PPP6R2: variants seen among roughly 807,000 people sequenced by gnomAD.
PPP6R2 encodes the protein protein phosphatase 6 regulatory subunit 2.
In PPP6R2, 62 loss-of-function variants were observed where a neutral mutation model predicts 100.2. That is an observed-to-expected ratio of 0.62 (90% CI 0.50 to 0.76). The LOEUF (loss-of-function observed/expected upper bound fraction) is 0.76. Among genes scored for constraint, PPP6R2 ranks in the 30% least tolerant of loss-of-function variants. The pLI is 0.00. For missense variants in PPP6R2, 1,142 were observed against 1,276.3 expected, an observed-to-expected ratio of 0.89 and a Z score of 1.60; for synonymous variants, 525 against 514.7, an observed-to-expected ratio of 1.02 and a Z score of -0.27.
At chr22:50,399,982 G>T (rs2057755755) in intron 3 of PPP6R2, among the ~76,000 whole-genome samples, 1 of 152,256 alleles carries the variant, frequency 6.6e-6, no homozygotes, top group African/African-American at 2.4e-5. Context: ...TAAGACAGAA[G>T]AGTCAGTAAG....
the PPP6R2 span, among the ~76,000 whole-genome samples, chr22:50,337,957 GGTGT>G: frequency 3.6e-5 from 5 of 137,682 alleles, no homozygotes; most frequent in East Asian, 2.2e-4. Flanking sequence ...TGATGTGTGT[GGTGT>G]GTGTGGGTGT....
intron 10 of PPP6R2, among the ~76,000 whole-genome samples, chr22:50,430,967 CAG>C (rs2063034009): frequency 6.6e-6 from 1 of 151,798 alleles, no homozygotes; most frequent in Admixed American, 6.6e-5. Context: ...AGGCAGGAGG[CAG>C]AAGTGCTCAG....
chr22:50,438,791 G>A (rs1262189837), intron 19 of PPP6R2, 29 bp downstream of exon 19: 2 of 1,562,576 alleles, frequency 1.3e-6, no homozygotes, highest in East Asian at 4.8e-5. Context: ...GGCTGGGAGT[G>A]TGGGTATCGG....
chr22:50,384,726 T>G (rs2053854055), intron 2 of PPP6R2, among the ~76,000 whole-genome samples: 1 of 152,064 alleles, frequency 6.6e-6, no homozygotes, highest in Admixed American at 6.6e-5. Context: ...GCTCAGGTCT[T>G]TCTTCCTTTT....
intron 2 of PPP6R2, among the ~76,000 whole-genome samples, chr22:50,385,605 TC>T (rs975588248): frequency 1.2e-4 from 17 of 146,258 alleles, no homozygotes; most frequent in African/African-American, 4.3e-4. Flanking sequence ...AACCTCTCCC[TC>T]CCGGGTTCAA....
intron 2 of PPP6R2, among the ~76,000 whole-genome samples, chr22:50,376,022 G>A (rs1426944424): frequency 2.0e-5 from 3 of 151,556 alleles, no homozygotes; most frequent in South Asian, 2.1e-4. Context: ...TAGTAAGGAC[G>A]GGGTTTCACT....
chr22:50,349,193 C>T (rs371435278), intron 1 of PPP6R2, among the ~76,000 whole-genome samples: 1,239 of 112,440 alleles, frequency 0.011, 19 homozygotes, highest in African/African-American at 0.039. Context: ...GAGACTTCCT[C>T]TCAAAAAAAA....
intron 1 of PPP6R2, among the ~76,000 whole-genome samples, chr22:50,356,056 A>C (rs2046492840): frequency 6.8e-6 from 1 of 147,524 alleles, no homozygotes; most frequent in South Asian, 2.1e-4. Flanking sequence ...TCCGCCTCCC[A>C]GGTTCATGCC....
At chr22:50,398,999 G>A (rs1038159018) in intron 3 of PPP6R2, among the ~76,000 whole-genome samples, 1 of 152,196 alleles carries the variant, frequency 6.6e-6, no homozygotes, top group South Asian at 2.1e-4. Flanking sequence ...TGTAATCCTA[G>A]CACTTTGGGA....
chr22:50,427,199 A>C (rs976410118), intron 10 of PPP6R2, among the ~76,000 whole-genome samples: 1 of 152,072 alleles, frequency 6.6e-6, no homozygotes, highest in South Asian at 2.1e-4. Context: ...AAAAAAAAAA[A>C]AAAAACAGCT....
At chr22:50,386,159 T>C (rs1172280198) in intron 2 of PPP6R2, among the ~76,000 whole-genome samples, 3 of 149,956 alleles carry the variant, frequency 2.0e-5, no homozygotes, top group African/African-American at 7.4e-5. Context: ...TTTGTTTTTT[T>C]TGAGATGGAG....
chr22:50,436,570 G>C (rs1603410875), intron 14 of PPP6R2, 118 bp downstream of exon 14: 2 of 988,516 alleles, frequency 2.0e-6, no homozygotes, highest in Middle Eastern at 3.1e-4. Flanking sequence ...ACGCCTGCCT[G>C]CTCCTCTTGA....
intron 1 of PPP6R2, among the ~76,000 whole-genome samples, chr22:50,356,004 T>G (rs995818728): frequency 5.4e-5 from 8 of 147,564 alleles, no homozygotes; most frequent in African/African-American, 2.0e-4. Context: ...GCTCTGTCAC[T>G]CAGGCTGGAG....
At chr22:50,354,781 C>T (rs960820781) in intron 1 of PPP6R2, among the ~76,000 whole-genome samples, 2 of 151,812 alleles carry the variant, frequency 1.3e-5, no homozygotes, top group African/African-American at 2.4e-5. Flanking sequence ...GCCTGGATGA[C>T]AGTGAGACTC....
chr22:50,339,545 GGTGTGTGTGTGGTGTGTGTGGTATGTA>G (rs1437143449), upstream of PPP6R2, among the ~76,000 whole-genome samples: 173 of 122,688 alleles, frequency 1.4e-3, 1 homozygote, highest in East Asian at 2.4e-3. Context: ...GTGTGTGTGT[GGTGTGTGTGTGGTGTGTGTGGTATGTA>G]GTGTGTGTGT....
intron 2 of PPP6R2, 138 bp from the exon 3 acceptor site, chr22:50,393,755 C>G: frequency 2.0e-6 from 3 of 1,482,684 alleles, no homozygotes; most frequent in Middle Eastern, 1.8e-4. Flanking sequence ...TGCAGATGGA[C>G]TTCCAGGACT....
At chr22:50,334,836 G>A in the PPP6R2 span, among the ~76,000 whole-genome samples, 2 of 152,060 alleles carry the variant, frequency 1.3e-5, no homozygotes, top group East Asian at 1.9e-4. Context: ...GTGTGGTGTC[G>A]CGTGCCTGTA....
chr22:50,340,255 AGGGTGTGTGTGGTG>A (rs2042357532), upstream of PPP6R2, among the ~76,000 whole-genome samples: 5 of 28,370 alleles, frequency 1.8e-4, no homozygotes, highest in African/African-American at 5.4e-4. Flanking sequence ...GTGTGTGTGG[AGGGTGTGTGTGGTG>A]TGTGTGGTAT....
At chr22:50,415,839 T>G (rs2060455073) in intron 5 of PPP6R2, among the ~76,000 whole-genome samples, 1 of 152,234 alleles carries the variant, frequency 6.6e-6, no homozygotes, top group South Asian at 2.1e-4. Flanking sequence ...AGAGAAGTCC[T>G]GAAGACAGAG....
Sources: allele counts gnomAD v4.1 joint callset (sites outside exome capture counted in the v4.1 genomes callset), GRCh38; gene constraint gnomAD v4.1.1; transcripts MANE v1.5; gene names NCBI Gene and HGNC (gene_info 2026-07-23, HGNC 2026-07-21).